OR5V1: variants seen among roughly 807,000 people sequenced by gnomAD.
OR5V1 encodes olfactory receptor family 5 subfamily V member 1.
For missense variants in OR5V1, 365 were observed against 371.5 expected (o/e 0.98, Z 0.14); for synonymous variants, 134 against 143.2 (o/e 0.94, Z 0.46).
chr6:29,356,831 C>T (rs1049137578), intron 1 of OR5V1, among the ~76,000 whole-genome samples: 2 of 152,036 alleles, frequency 1.3e-5, no homozygotes, highest in Non-Finnish European at 2.9e-5. Flanking sequence ...AATAGAGGAT[C>T]AAAAGTACCT....
chr6:29,364,519 C>CATCATGTTACCTGA lies in OR5V1; in HGVS notation c.-83+4112_-83+4113insTCAGGTAACATGAT, dbSNP rs1450636779. On this transcript the variant is annotated intron_variant, in intron 1 of 1. Transcript: ENST00000641768. ...CCTAAGCAAAAAGAACAAAGCTGGG[C>CATCATGTTACCTGA]CGGGCGCGGTGGCTCACGCCTGTAA... Among the ~76,000 whole-genome samples, 110 of 26,566 alleles carry CATCATGTTACCTGA rather than the reference C, an allele frequency of 4.1e-3. 2 individuals are homozygous for CATCATGTTACCTGA. Among genetic ancestry groups the CATCATGTTACCTGA allele is most frequent in the South Asian group, 7.1e-3 (4 of 566 alleles). The allele number at this position is 26,566 out of a possible 152,430, so 17.4% of individuals were successfully genotyped here.
chr6:29,355,448 G>T lies in OR5V1; in HGVS notation c.748C>A (p.Leu250Ile). The part of the protein sequence containing the change: ...TCASHLAIVF[L>I]FYGSAIFTYV... The stretch of plus-strand genomic sequence containing the variant: ...GTAAAGATGGCGCTGCCATAAAAGA[G>T]AAAGACAATGGCCAGGTGGGAGGCA... Residue 250 changes from leucine (L) to isoleucine (I), a missense_variant, in exon 2 of 2, where the codon CTC becomes ATC. Transcript: ENST00000641768. 6.2e-7 allele frequency: 1 copy of T among 1,614,008 alleles called. No individual in the cohort carries two copies. Among genetic ancestry groups the T allele is most frequent in the Non-Finnish European group, 8.5e-7 (1 of 1,179,926 alleles).
intron 1 of OR5V1, among the ~76,000 whole-genome samples, chr6:29,362,367 A>T (rs897216467): frequency 2.6e-5 from 4 of 152,216 alleles, no homozygotes; most frequent in African/African-American, 9.6e-5. Context: ...TGTCAATATT[A>T]GACAGATCAA....
chr6:29,359,975 G>A (rs757751610), intron 1 of OR5V1, among the ~76,000 whole-genome samples: 3 of 152,144 alleles, frequency 2.0e-5, no homozygotes, highest in Non-Finnish European at 2.9e-5. Context: ...CTCACTCAGC[G>A]GGTCCCACTC....
intron 1 of OR5V1, among the ~76,000 whole-genome samples, chr6:29,359,097 G>A (rs941301020): frequency 3.9e-5 from 6 of 152,010 alleles, no homozygotes; most frequent in Non-Finnish European, 7.4e-5. Flanking sequence ...AGAAATAGAG[G>A]CATTTGAGAG....
At position 29,355,959 on chromosome 6, in the gene OR5V1, G is replaced by A; in HGVS notation, c.237C>T (p.Pro79=). 1 of 1,613,990 alleles carries A rather than the reference G, an allele frequency of 6.2e-7. No individual in the cohort carries two copies. The change falls in exon 2 of 2, where the codon CCC becomes CCT. Residue 79 remains proline, a synonymous_variant. Coordinates refer to ENST00000641768, the MANE Select transcript of OR5V1 (RefSeq NM_030876.6). ...TTGAGAGGAGGTGCACCATCATCTG[G>A]GGGACATTGCTGGTGGTGTAGCAGA... The part of the protein sequence containing the change: ...IDICYTTSNV[P]QMMVHLLSKK...
chr6:29,366,947 C>G (rs1183006611), intron 1 of OR5V1, among the ~76,000 whole-genome samples: 2 of 152,070 alleles, frequency 1.3e-5, no homozygotes, highest in Non-Finnish European at 2.9e-5. Context: ...GTTTTGTTAC[C>G]CAAGTCCTCT....
intron 1 of OR5V1, among the ~76,000 whole-genome samples, chr6:29,360,832 A>T (rs1444123342): frequency 1.3e-5 from 2 of 152,166 alleles, no homozygotes; most frequent in Non-Finnish European, 2.9e-5. Flanking sequence ...AACCAGCACA[A>T]AAATGCTGAA....
At position 29,355,975 on chromosome 6, in the gene OR5V1, G is replaced by C; in HGVS notation, c.221C>G (p.Thr74Ser). ...CATCATCTGGGGGACATTGCTGGTG[G>C]TGTAGCAGATGTCAATAAAGGCCAA... Reference protein sequence around the residue: ...GNLAFIDICYTTSNVPQMMVH... With the variant: ...GNLAFIDICYSTSNVPQMMVH... Residue 74 changes from threonine to serine, a missense_variant, in exon 2 of 2, where the codon ACC becomes AGC. Thr to Ser is a moderately conservative substitution (Grantham distance 58, BLOSUM62 1). Coordinates refer to ENST00000641768, the MANE Select transcript of OR5V1 (RefSeq NM_030876.6). 6.2e-7 allele frequency: 1 copy of C among 1,614,032 alleles called. No homozygotes were observed. The highest frequency in any genetic ancestry group is 8.5e-7 in the Non-Finnish European group (1 of 1,179,954).
intron 1 of OR5V1, among the ~76,000 whole-genome samples, chr6:29,366,113 A>G (rs1429990592): frequency 6.6e-6 from 1 of 152,136 alleles, no homozygotes; most frequent in African/African-American, 2.4e-5. Context: ...ATGAGAACAC[A>G]TGGACACAGG....
In OR5V1 at chr6:29,365,492, T is replaced by G. The variant is rs9348828; in HGVS notation, c.-83+3140A>C. Among the ~76,000 whole-genome samples the G allele has an allele frequency of 2.5e-3, 375 of 152,124 alleles. 9 individuals carry two copies. Among genetic ancestry groups the G allele is most frequent in the Admixed American group, 0.021 (324 of 15,280 alleles). On this transcript the variant is annotated intron_variant, in intron 1 of 1. Transcript: ENST00000641768. ...AACAACCCCATCAAAAAGTGGGTGA[T>G]GGATATGAACAGACACTTCTCAAAA...
In OR5V1 at chr6:29,353,793, T is replaced by G. The variant is rs1778126386; in HGVS notation, c.*1437A>C. ...TACCTGGAGAAGAATTATTTAGGGT[T>G]CCTGCAGGAGATGAGTTACAAAGTA... On this transcript the variant is annotated 3_prime_UTR_variant, in exon 2 of 2. Coordinates refer to ENST00000641768, the MANE Select transcript of OR5V1 (RefSeq NM_030876.6). 1 of 152,050 alleles carries G rather than the reference T, an allele frequency of 6.6e-6. No individual in the cohort carries two copies. The highest frequency in any genetic ancestry group is 1.5e-5 in the Non-Finnish European group (1 of 67,958). The allele number at this position is 152,050 out of a possible 1,614,324, so 9.4% of individuals were successfully genotyped here.
chr6:29,360,010 C>T (rs1442574526), intron 1 of OR5V1, among the ~76,000 whole-genome samples: 1 of 152,226 alleles, frequency 6.6e-6, no homozygotes, highest in Non-Finnish European at 1.5e-5. Context: ...AAGCTAAGGA[C>T]CACTGGCTTA....
rs945144351 is a variant in OR5V1, at chr6:29,354,266, T to C, written c.*964A>G. 1.3e-5 allele frequency: 2 copies of C among 152,138 alleles called. No homozygotes were observed. The highest frequency in any genetic ancestry group is 1.5e-5 in the Non-Finnish European group (1 of 67,990). 9.4% of individuals were successfully genotyped at this position (152,138 alleles called of 1,614,324 possible). A position where few individuals can be genotyped will look rare whatever the true frequency, so the allele number is the denominator to read the frequency against. On this transcript the variant is annotated 3_prime_UTR_variant, in exon 2 of 2. Transcript: ENST00000641768. ...GTCTCTTTATCTTTTAAATTTTCTC[T>C]CCAGTGTCTGTATTTATTTCTCTCT... is the stretch of plus-strand genomic sequence containing the variant.
At chr6:29,363,286 C>G (rs1010603508) in intron 1 of OR5V1, among the ~76,000 whole-genome samples, 1 of 152,128 alleles carries the variant, frequency 6.6e-6, no homozygotes, top group African/African-American at 2.4e-5. Context: ...ATAACAAGTA[C>G]TGAAATTGAG....
intron 1 of OR5V1, among the ~76,000 whole-genome samples, chr6:29,360,105 G>T (rs1297414895): frequency 6.6e-6 from 1 of 152,206 alleles, no homozygotes; most frequent in African/African-American, 2.4e-5. Flanking sequence ...CATTAGTGAG[G>T]CTTGAGTAGG....
chr6:29,355,289 T>A lies in OR5V1; in HGVS notation c.907A>T (p.Thr303Ser). ...RNKDIKEAVK[T>S]IGSKWQPPIS... ...GGTGGCTGCCACTTGCTCCCTATAG[T>A]TTTGACAGCTTCTTTGATGTCCTTA... The change falls in exon 2 of 2, where the codon ACT (threonine) becomes TCT (serine). Residue 303 changes from threonine (T) to serine (S), a missense_variant. Thr to Ser is a moderately conservative substitution (Grantham distance 58). Coordinates refer to ENST00000641768, the MANE Select transcript of OR5V1 (RefSeq NM_030876.6). The A allele has an allele frequency of 6.2e-7, 1 of 1,612,938 alleles. No homozygotes were observed. Among genetic ancestry groups the A allele is most frequent in the South Asian group, 1.1e-5 (1 of 90,742 alleles).
intron 1 of OR5V1, among the ~76,000 whole-genome samples, chr6:29,361,856 T>C (rs1778579984): frequency 6.6e-6 from 1 of 152,092 alleles, no homozygotes; most frequent in Admixed American, 6.6e-5. Flanking sequence ...CCAAAGACAC[T>C]ATGAAGAAAC....
rs1778299572 is a variant in OR5V1, at chr6:29,356,191, T to C, written c.5A>G (p.Glu2Gly). MERKNQTAITEF... is the reference protein window; with the variant it reads MGRKNQTAITEF... ...AGTTATAGCTGTTTGATTCTTTCTT[T>C]CCATGATGTCGCCTGGTTTCCTTTC... Residue 2 changes from glutamate (E) to glycine (G), a missense_variant, in exon 2 of 2, where the codon GAA becomes GGA. Glu to Gly is a moderately conservative substitution (Grantham distance 98). Transcript: ENST00000641768. 1 of 1,559,808 alleles carries C rather than the reference T, an allele frequency of 6.4e-7. No individual in the cohort carries two copies. Among genetic ancestry groups the C allele is most frequent in the Admixed American group, 2.0e-5 (1 of 49,898 alleles).
Sources: gnomAD v4.1 joint callset for allele counts (sites outside exome capture counted in the v4.1 genomes callset) on GRCh38, gnomAD v4.1.1 for gene constraint, MANE v1.5 for transcripts, NCBI Gene and HGNC (gene_info 2026-07-23, HGNC 2026-07-21) for gene names.